LPP: variants seen among roughly 807,000 people sequenced by gnomAD.
LPP encodes lipoma-preferred partner.
In LPP, 38 loss-of-function variants were observed where a neutral mutation model predicts 60.4. That is an observed-to-expected ratio of 0.63 (90% CI 0.49 to 0.83). The LOEUF is 0.83. Among genes scored for constraint, LPP ranks in the 40% least tolerant of loss-of-function variants. The pLI is 0.00. For synonymous variants in LPP, 328 were observed against 290.8 expected (o/e 1.13, Z -1.30); for missense variants, 902 against 783.6 (o/e 1.15, Z -1.80).
chr3:188,317,405 A>T (rs1489039617), intron 2 of LPP, among the ~76,000 whole-genome samples: 1 of 152,138 alleles, frequency 6.6e-6, no homozygotes, highest in Non-Finnish European at 1.5e-5. Context: ...ATGTGGATTC[A>T]GGCTTGAGCA....
At chr3:188,651,350 G>A (rs1039238862) in intron 7 of LPP, among the ~76,000 whole-genome samples, 5 of 152,206 alleles carry the variant, frequency 3.3e-5, no homozygotes, top group African/African-American at 1.2e-4. Context: ...TTGGAGAGTA[G>A]AGATGGCCTG....
At chr3:188,776,478 G>A (rs1463506777) in intron 9 of LPP, among the ~76,000 whole-genome samples, 1 of 136,160 alleles carries the variant, frequency 7.3e-6, no homozygotes, top group East Asian at 1.9e-4. Context: ...TTTGGGGCTG[G>A]GAGAGGTAAA....
intron 7 of LPP, among the ~76,000 whole-genome samples, chr3:188,691,503 G>A (rs1862119715): frequency 6.6e-6 from 1 of 152,194 alleles, no homozygotes; most frequent in East Asian, 1.9e-4. Flanking sequence ...TGGTGACGAT[G>A]TACATGATGA....
chr3:188,554,925 G>A (rs973539066), intron 6 of LPP, among the ~76,000 whole-genome samples: 4 of 152,098 alleles, frequency 2.6e-5, no homozygotes, highest in African/African-American at 9.7e-5. Flanking sequence ...CTGTGGGAGA[G>A]GCATAGTAAA....
chr3:188,786,216 C>A (rs1741808461), intron 9 of LPP, among the ~76,000 whole-genome samples: 1 of 151,442 alleles, frequency 6.6e-6, no homozygotes, highest in African/African-American at 2.4e-5. Flanking sequence ...CCTGTCTCTA[C>A]TAAAAATACA....
At chr3:188,293,909 T>C (rs1196576323) in intron 2 of LPP, among the ~76,000 whole-genome samples, 1 of 151,588 alleles carries the variant, frequency 6.6e-6, no homozygotes, top group East Asian at 1.9e-4. Flanking sequence ...CTACTAAAAA[T>C]ACAAAAATCA....
intron 1 of LPP, chr3:188,180,031 C>T (rs2148891015): frequency 6.3e-6 from 1 of 159,440 alleles, no homozygotes; most frequent in Non-Finnish European, 1.4e-5. Flanking sequence ...CATTTCCAGA[C>T]ACCAATATAT....
At chr3:188,871,968 G>A (rs1189762955) in intron 10 of LPP, among the ~76,000 whole-genome samples, 1 of 152,118 alleles carries the variant, frequency 6.6e-6, no homozygotes, top group Admixed American at 6.6e-5. Context: ...CTTTAACAGT[G>A]CTAAAATCCT....
In LPP at chr3:188,336,682, G is replaced by A. The variant is rs76006909; in HGVS notation, c.-66-4981G>A. Among the ~76,000 whole-genome samples, 1,298 of 152,270 alleles carry A rather than the reference G, an allele frequency of 8.5e-3. 25 individuals carry two copies. The highest frequency in any genetic ancestry group is 0.03 in the African/African-American group (1,233 of 41,542). ...CACAGTGGTGGCTGTATGCCACAGG[G>A]AGAGGGGTATCTTAGCAGCTCTGAC... On this transcript the variant is annotated intron_variant, in intron 2 of 11. Transcript: ENST00000617246.
At chr3:188,712,730 T>A (rs1217614594) in intron 8 of LPP, 2 of 152,226 alleles carry the variant, frequency 1.3e-5, no homozygotes, top group African/African-American at 4.8e-5. Flanking sequence ...ATTTAAACTG[T>A]AGCTGATTTA....
At chr3:188,463,693 T>C (rs902413170) in intron 4 of LPP, among the ~76,000 whole-genome samples, 14 of 152,220 alleles carry the variant, frequency 9.2e-5, no homozygotes, top group Admixed American at 9.2e-4. Context: ...AGCAGTATGA[T>C]ATTTAGTCAT....
chr3:188,251,230 G>C (rs926733989), intron 2 of LPP, among the ~76,000 whole-genome samples: 1 of 151,338 alleles, frequency 6.6e-6, no homozygotes, highest in East Asian at 1.9e-4. Flanking sequence ...GATTTGGTCA[G>C]TGGGAGCTGC....
intron 7 of LPP, among the ~76,000 whole-genome samples, chr3:188,650,119 C>T (rs1466269227): frequency 2.0e-5 from 3 of 152,214 alleles, no homozygotes; most frequent in South Asian, 4.1e-4. Flanking sequence ...ATTCTACAAA[C>T]TGTTATGCCC....
At chr3:188,863,955 T>TAA (rs58464588) in intron 9 of LPP, among the ~76,000 whole-genome samples, 140 of 108,676 alleles carry the variant, frequency 1.3e-3, no homozygotes, top group East Asian at 3.7e-3. Flanking sequence ...CAGGGCTGAC[T>TAA]AAAAAAAAAA....
intron 9 of LPP, among the ~76,000 whole-genome samples, chr3:188,828,305 A>G (rs112182423): frequency 0.044 from 6,755 of 152,034 alleles, 214 homozygotes; most frequent in Non-Finnish European, 0.067. Context: ...AGGCAGCCTG[A>G]GCTGGAATTA....
intron 2 of LPP, among the ~76,000 whole-genome samples, chr3:188,229,028 A>G (rs1718879419): frequency 6.6e-6 from 1 of 152,230 alleles, no homozygotes; most frequent in South Asian, 2.1e-4. Context: ...CTTCCTGCCA[A>G]CATTGTACCT....
intron 9 of LPP, among the ~76,000 whole-genome samples, chr3:188,764,028 C>G (rs13096106): frequency 0.31 from 46,498 of 151,910 alleles, 7,474 homozygotes; most frequent in South Asian, 0.56. Context: ...ATTTAATAAG[C>G]ACATTATGTC....
At chr3:188,792,522 A>G (rs1428731509) in intron 9 of LPP, among the ~76,000 whole-genome samples, 1 of 152,120 alleles carries the variant, frequency 6.6e-6, no homozygotes, top group Non-Finnish European at 1.5e-5. Context: ...TCTTCTCTCA[A>G]AGGGCTGCTG....
chr3:188,501,572 A>C (rs1323483535), intron 5 of LPP, among the ~76,000 whole-genome samples: 3 of 151,474 alleles, frequency 2.0e-5, no homozygotes, highest in Non-Finnish European at 4.4e-5. Context: ...ACGCGGTGAA[A>C]CCCTGTCTCT....
Sources: allele counts gnomAD v4.1 joint callset (sites outside exome capture counted in the v4.1 genomes callset), GRCh38; gene constraint gnomAD v4.1.1; transcripts MANE v1.5; gene names NCBI Gene and HGNC (gene_info 2026-07-23, HGNC 2026-07-21).